FCHSD2: variants seen among roughly 807,000 people sequenced by gnomAD.
FCHSD2 encodes the protein FCH and double SH3 domains 2.
Under a neutral mutation model 108.1 loss-of-function variants are expected in FCHSD2, and 38 were observed. That is an observed-to-expected ratio of 0.35 (90% confidence interval 0.27 to 0.46). FCHSD2 has a LOEUF of 0.46. Ranked by LOEUF, FCHSD2 falls within the 20% of genes least tolerant of loss-of-function variation. FCHSD2 has a pLI of 1.00. For synonymous variants in FCHSD2, 279 were observed against 314.7 expected (o/e 0.89, Z 1.20); for missense variants, 751 against 897.8 (o/e 0.84, Z 2.09).
chr11:73,084,186 G>A (rs1056002392), intron 2 of FCHSD2, among the ~76,000 whole-genome samples: 2 of 152,164 alleles, frequency 1.3e-5, no homozygotes, highest in African/African-American at 4.8e-5. Flanking sequence ...CTTAACCAAT[G>A]TAAGAGGGAA....
intron 2 of FCHSD2, among the ~76,000 whole-genome samples, chr11:73,089,839 G>A (rs1403421801): frequency 6.6e-6 from 1 of 152,086 alleles, no homozygotes; most frequent in Admixed American, 6.5e-5. Flanking sequence ...AACTAGATAA[G>A]CATTTTCATA....
intron 2 of FCHSD2, among the ~76,000 whole-genome samples, chr11:73,128,215 C>G (rs1365982357): frequency 2.0e-5 from 3 of 152,084 alleles, no homozygotes; most frequent in Admixed American, 1.3e-4. Flanking sequence ...TCTATGGAGT[C>G]TCTAATTACC....
intron 3 of FCHSD2, among the ~76,000 whole-genome samples, chr11:73,058,805 T>A (rs1178680900): frequency 6.6e-6 from 1 of 152,022 alleles, no homozygotes; most frequent in Non-Finnish European, 1.5e-5. Flanking sequence ...TGACCTCAGG[T>A]GATCCGCCTG....
rs1860745536 is a variant in FCHSD2, at chr11:72,836,894, GTTAT to G, written c.*1893_*1896del. On this transcript the variant is annotated 3_prime_UTR_variant, in exon 20 of 20. Coordinates refer to ENST00000409418, the MANE Select transcript of FCHSD2 (RefSeq NM_014824.3). ...TGGATTCCATATCCTGGATGGAGGGGTTATTTTTTAAAAAGGAGGCATGTTTTCA... is the reference window on the plus strand; with the variant it reads ...TGGATTCCATATCCTGGATGGAGGGGTTTTTAAAAAGGAGGCATGTTTTCA... 2 of 152,498 alleles carry G rather than the reference GTTAT, an allele frequency of 1.3e-5. No individual in the cohort carries two copies. Among genetic ancestry groups the G allele is most frequent in the Admixed American group, 1.3e-4 (2 of 15,278 alleles). 9.4% of individuals were successfully genotyped at this position (152,498 alleles called of 1,614,324 possible). A position where few individuals can be genotyped will look rare whatever the true frequency, so the allele number is the denominator to read the frequency against.
chr11:73,081,868 A>C (rs1329729838), intron 3 of FCHSD2, among the ~76,000 whole-genome samples: 1 of 152,208 alleles, frequency 6.6e-6, no homozygotes, highest in Non-Finnish European at 1.5e-5. Context: ...GATTCAATAA[A>C]TGTCAGCTAT....
chr11:72,970,453 T>G (rs1174988485), intron 8 of FCHSD2, among the ~76,000 whole-genome samples: 1 of 152,252 alleles, frequency 6.6e-6, no homozygotes, highest in Non-Finnish European at 1.5e-5. Context: ...AATAATCATG[T>G]GTTCACATTT....
chr11:72,987,647 G>C (rs1857335615), intron 6 of FCHSD2, among the ~76,000 whole-genome samples: 1 of 152,162 alleles, frequency 6.6e-6, no homozygotes, highest in Non-Finnish European at 1.5e-5. Context: ...CTTGTGATCA[G>C]CTCTGTGAAT....
At chr11:73,007,664 T>G (rs1324580517) in intron 4 of FCHSD2, among the ~76,000 whole-genome samples, 9 of 151,628 alleles carry the variant, frequency 5.9e-5, no homozygotes, top group Non-Finnish European at 4.4e-5. Context: ...AAGAAAGAAA[T>G]CAAGAAATTC....
At chr11:72,932,184 A>G (rs947245512) in intron 8 of FCHSD2, among the ~76,000 whole-genome samples, 1 of 151,974 alleles carries the variant, frequency 6.6e-6, no homozygotes, top group Non-Finnish European at 1.5e-5. Flanking sequence ...CTTCTTAAAT[A>G]TTTACCAAAC....
At chr11:73,038,971 G>A (rs1858565104) in intron 3 of FCHSD2, among the ~76,000 whole-genome samples, 1 of 152,004 alleles carries the variant, frequency 6.6e-6, no homozygotes, top group Non-Finnish European at 1.5e-5. Context: ...ATGACCCCCA[G>A]CCTAGTATTC....
In FCHSD2 at chr11:72,889,846, T is replaced by C. The variant is rs1855277757; in HGVS notation, c.1024A>G (p.Ile342Val). 1.2e-6 allele frequency: 2 copies of C among 1,608,266 alleles called. No individual in the cohort carries two copies. The highest frequency in any genetic ancestry group is 1.7e-6 in the Non-Finnish European group (2 of 1,174,710). The change falls in exon 11 of 20, where the codon ATT becomes GTT. Residue 342 changes from isoleucine (I) to valine (V), a missense_variant. Ile to Val is a conservative substitution (Grantham distance 29, BLOSUM62 3). Transcript: ENST00000409418. The part of the protein sequence containing the change: ...ATRVAREHKN[I>V]VHQQRVLNDL... ...ACACTTACCCGTTGTTGGTGAACAA[T>C]GTTTTTATGCTCACGTGCCACACGT...
At chr11:73,053,392 G>GA (rs1858948435) in intron 3 of FCHSD2, among the ~76,000 whole-genome samples, 1 of 152,000 alleles carries the variant, frequency 6.6e-6, no homozygotes, top group Admixed American at 6.6e-5. Context: ...ATGAAAGATA[G>GA]AAAATGAATT....
At chr11:73,084,457 C>A (rs1480609747) in intron 2 of FCHSD2, among the ~76,000 whole-genome samples, 1 of 152,056 alleles carries the variant, frequency 6.6e-6, no homozygotes, top group Admixed American at 6.5e-5. Flanking sequence ...GCGGTGAGGT[C>A]CTAGCCCACT....
At chr11:72,890,720 T>C (rs766065795) in intron 10 of FCHSD2, among the ~76,000 whole-genome samples, 7 of 151,940 alleles carry the variant, frequency 4.6e-5, no homozygotes, top group Non-Finnish European at 8.8e-5. Flanking sequence ...CATCATTTTA[T>C]AGAAAAGAAA....
chr11:73,122,629 G>A (rs1284296401), intron 2 of FCHSD2, among the ~76,000 whole-genome samples: 2 of 152,172 alleles, frequency 1.3e-5, no homozygotes, highest in African/African-American at 2.4e-5. Context: ...GGAAAAAGAA[G>A]GGGACAGTTT....
chr11:72,890,003 T>C (rs1283302195), intron 10 of FCHSD2, 58 bp from the exon 11 acceptor site: 2 of 1,054,146 alleles, frequency 1.9e-6, no homozygotes, highest in Non-Finnish European at 2.9e-6. Context: ...TAACCACTAC[T>C]GCTTTGTAGA....
chr11:72,841,619 C>A, intron 17 of FCHSD2, 36 bp from the exon 18 acceptor site: 1 of 1,552,662 alleles, frequency 6.4e-7, no homozygotes, highest in East Asian at 2.3e-5. Flanking sequence ...CCGGTGCTCC[C>A]CTCCAGGAAG....
intron 2 of FCHSD2, among the ~76,000 whole-genome samples, chr11:73,123,017 CA>C (rs1316706578): frequency 1.3e-5 from 2 of 151,254 alleles, no homozygotes; most frequent in East Asian, 1.9e-4. Context: ...CTTGTCCCAT[CA>C]AAAAAAACCA....
chr11:73,127,655 C>G (rs779645422), intron 2 of FCHSD2, among the ~76,000 whole-genome samples: 23 of 152,166 alleles, frequency 1.5e-4, no homozygotes, highest in Non-Finnish European at 2.8e-4. Flanking sequence ...CAGCTTCAGA[C>G]TTGATACTCT....
Sources: allele counts gnomAD v4.1 joint callset (sites outside exome capture counted in the v4.1 genomes callset), GRCh38; gene constraint gnomAD v4.1.1; transcripts MANE v1.5; gene names NCBI Gene and HGNC (gene_info 2026-07-23, HGNC 2026-07-21).